The following ARB2A variants were observed in gnomAD, a reference collection of about 807,000 sequenced individuals.
The protein encoded by ARB2A is ARB2 cotranscriptional regulator A.
the ARB2A span, among the ~76,000 whole-genome samples, chr5:93,972,220 A>G: frequency 6.6e-6 from 1 of 152,100 alleles, no homozygotes; most frequent in Non-Finnish European, 1.5e-5. Context: ...AGCTCTTACA[A>G]TTAAGTGCTA....
chr5:93,778,824 T>C, the ARB2A span, among the ~76,000 whole-genome samples: 1,460 of 152,306 alleles, frequency 9.6e-3, 63 homozygotes, highest in East Asian at 0.12. Flanking sequence ...ATTTTCTAAA[T>C]TGTTACTTTA....
the ARB2A span, among the ~76,000 whole-genome samples, chr5:94,025,211 G>C: frequency 6.6e-6 from 1 of 152,168 alleles, no homozygotes; most frequent in Non-Finnish European, 1.5e-5. Flanking sequence ...ACACAGGGTA[G>C]CTTAAATAAC....
chr5:94,048,139 C>T, the ARB2A span, among the ~76,000 whole-genome samples: 3 of 149,362 alleles, frequency 2.0e-5, no homozygotes, highest in Non-Finnish European at 4.4e-5. Flanking sequence ...ACTGCAACCT[C>T]CATCTCCCGG....
the ARB2A span, among the ~76,000 whole-genome samples, chr5:93,804,649 A>AAT: frequency 6.6e-5 from 10 of 151,768 alleles, no homozygotes; most frequent in East Asian, 1.9e-4. Flanking sequence ...CTTATTAGCC[A>AAT]ATATATATAT....
the ARB2A span, among the ~76,000 whole-genome samples, chr5:93,811,922 G>T: frequency 6.6e-6 from 1 of 152,016 alleles, no homozygotes; most frequent in Non-Finnish European, 1.5e-5. Context: ...AACTGTTCTT[G>T]ACCCAGTCAT....
the ARB2A span, among the ~76,000 whole-genome samples, chr5:93,705,870 G>A: frequency 6.6e-6 from 1 of 152,062 alleles, no homozygotes; most frequent in Non-Finnish European, 1.5e-5. Flanking sequence ...GAGATTACTT[G>A]CTAAATTTTT....
chr5:93,928,985 A>G, the ARB2A span, among the ~76,000 whole-genome samples: 1 of 152,042 alleles, frequency 6.6e-6, no homozygotes, highest in African/African-American at 2.4e-5. Context: ...GGTAACTGTT[A>G]AAGTCTACAA....
At chr5:93,966,550 A>G in the ARB2A span, among the ~76,000 whole-genome samples, 76 of 152,244 alleles carry the variant, frequency 5.0e-4, no homozygotes, top group African/African-American at 1.7e-3. Flanking sequence ...CTATATATCA[A>G]GTAAGAGTTG....
At chr5:93,893,557 G>A in the ARB2A span, among the ~76,000 whole-genome samples, 1 of 152,122 alleles carries the variant, frequency 6.6e-6, no homozygotes, top group Non-Finnish European at 1.5e-5. Context: ...AATTTCACAT[G>A]CTATTTGCCA....
the ARB2A span, among the ~76,000 whole-genome samples, chr5:93,708,015 T>G: frequency 6.6e-6 from 1 of 152,268 alleles, no homozygotes; most frequent in Admixed American, 6.5e-5. Flanking sequence ...GTGCTATGAA[T>G]GCCCATATGC....
the ARB2A span, among the ~76,000 whole-genome samples, chr5:93,794,169 C>T: frequency 1.3e-5 from 2 of 152,136 alleles, no homozygotes; most frequent in South Asian, 2.1e-4. Flanking sequence ...AAAGCCTTGT[C>T]TTCAAGCTCT....
the ARB2A span, among the ~76,000 whole-genome samples, chr5:93,823,279 C>T: frequency 6.6e-6 from 1 of 152,210 alleles, no homozygotes; most frequent in South Asian, 2.1e-4. Context: ...TGTAATATTG[C>T]ATCTAAAACA....
chr5:93,764,728 C>A, the ARB2A span, among the ~76,000 whole-genome samples: 2 of 152,140 alleles, frequency 1.3e-5, no homozygotes, highest in Non-Finnish European at 2.9e-5. Context: ...CAAAGCCTGG[C>A]AGAGACACAA....
the ARB2A span, among the ~76,000 whole-genome samples, chr5:94,040,489 G>A: frequency 6.6e-6 from 1 of 151,298 alleles, no homozygotes; most frequent in African/African-American, 2.4e-5. Context: ...ATCTCCTAAT[G>A]CTATCCCTCC....
At chr5:93,632,965 T>C in the ARB2A span, among the ~76,000 whole-genome samples, 1 of 152,168 alleles carries the variant, frequency 6.6e-6, no homozygotes, top group Admixed American at 6.5e-5. Context: ...TGGTAAGGTA[T>C]TGGGATGGGG....
At chr5:93,811,982 A>C in the ARB2A span, among the ~76,000 whole-genome samples, 1 of 152,158 alleles carries the variant, frequency 6.6e-6, no homozygotes, top group Admixed American at 6.6e-5. Context: ...TCATACTGAT[A>C]GCAATGACAG....
the ARB2A span, among the ~76,000 whole-genome samples, chr5:93,917,544 C>T: frequency 6.6e-6 from 1 of 151,966 alleles, no homozygotes; most frequent in Non-Finnish European, 1.5e-5. Flanking sequence ...TGTGTCATTA[C>T]TGCAAAGAAA....
the ARB2A span, among the ~76,000 whole-genome samples, chr5:93,963,752 C>T: frequency 6.6e-6 from 1 of 151,952 alleles, no homozygotes; most frequent in Non-Finnish European, 1.5e-5. Flanking sequence ...TTGTCAGGGA[C>T]GGCAAAGATC....
the ARB2A span, among the ~76,000 whole-genome samples, chr5:93,819,615 A>G: frequency 6.6e-6 from 1 of 152,222 alleles, no homozygotes; most frequent in South Asian, 2.1e-4. Context: ...TATCTTACCA[A>G]TATCCAATTT....
Sources: allele counts gnomAD v4.1 joint callset (sites outside exome capture counted in the v4.1 genomes callset), GRCh38; gene constraint gnomAD v4.1.1; transcripts MANE v1.5; gene names NCBI Gene and HGNC (gene_info 2026-07-23, HGNC 2026-07-21).